SERPINI1: variants seen among roughly 807,000 people sequenced by gnomAD.
The protein encoded by SERPINI1 is neuroserpin.
In SERPINI1, 19 loss-of-function variants were observed where a neutral mutation model predicts 41.1. The ratio of observed to expected loss-of-function variants is 0.46; its 90% confidence interval spans 0.32 to 0.68. SERPINI1 has a LOEUF of 0.68. SERPINI1 is among the 30% of genes least tolerant of loss of function. SERPINI1 has a pLI of 0.03. For missense variants in SERPINI1, 460 were observed against 479.2 expected (o/e 0.96, Z 0.37); for synonymous variants, 138 against 156.6 (o/e 0.88, Z 0.89).
intron 1 of SERPINI1, among the ~76,000 whole-genome samples, chr3:167,762,191 A>G (rs906506531): frequency 3.3e-5 from 5 of 152,054 alleles, no homozygotes; most frequent in African/African-American, 1.2e-4. Flanking sequence ...TCCTGTTTCT[A>G]TAGATACGTT....
chr3:167,774,335 C>A (rs772748764), intron 1 of SERPINI1, among the ~76,000 whole-genome samples: 2 of 152,066 alleles, frequency 1.3e-5, no homozygotes, highest in Non-Finnish European at 2.9e-5. Flanking sequence ...ATCCCATTAG[C>A]CTAATTCATC....
At chr3:167,798,189 C>G (rs1368675412) in intron 5 of SERPINI1, among the ~76,000 whole-genome samples, 1 of 152,030 alleles carries the variant, frequency 6.6e-6, no homozygotes, top group African/African-American at 2.4e-5. Context: ...AATGTGGCAG[C>G]AGAAGAAAAT....
At chr3:167,805,368 C>T (rs2108566248) in intron 5 of SERPINI1, among the ~76,000 whole-genome samples, 1 of 152,192 alleles carries the variant, frequency 6.6e-6, no homozygotes, top group Non-Finnish European at 1.5e-5. Flanking sequence ...CTGTTCATAT[C>T]CTTTGCCCAC....
chr3:167,817,191 A>G (rs1712126421), intron 6 of SERPINI1, among the ~76,000 whole-genome samples: 1 of 152,184 alleles, frequency 6.6e-6, no homozygotes, highest in African/African-American at 2.4e-5. Flanking sequence ...GACACACTGT[A>G]ACATCCATTG....
chr3:167,806,169 G>T (rs1459802729), intron 5 of SERPINI1, among the ~76,000 whole-genome samples: 1 of 152,106 alleles, frequency 6.6e-6, no homozygotes, highest in Non-Finnish European at 1.5e-5. Context: ...CATTTCCTTT[G>T]CAGGGACATG....
chr3:167,795,144 A>G (rs147464890), intron 5 of SERPINI1, among the ~76,000 whole-genome samples: 70 of 152,222 alleles, frequency 4.6e-4, no homozygotes, highest in African/African-American at 1.5e-3. Context: ...TAGAAAATTT[A>G]TCTATCTGTT....
chr3:167,793,617 A>G (rs1372979992), intron 4 of SERPINI1, among the ~76,000 whole-genome samples: 2 of 139,116 alleles, frequency 1.4e-5, no homozygotes, highest in African/African-American at 2.9e-5. Context: ...GCTAGGCATA[A>G]TGGTACATAC....
chr3:167,819,359 G>A lies in SERPINI1; in HGVS notation c.980-3627G>A, dbSNP rs59186743. On this transcript the variant is annotated intron_variant, in intron 6 of 8. Transcript: ENST00000446050. ...CTGATTTTACCAACTAAATATATTC[G>A]GTTACTTAACACAATTTAAATTTTT... Among the ~76,000 whole-genome samples, 1,277 of 148,286 alleles carry A rather than the reference G, an allele frequency of 8.6e-3. 11 individuals are homozygous for A. Among genetic ancestry groups the A allele is most frequent in the African/African-American group, 0.031 (1,202 of 38,656 alleles).
chr3:167,792,793 T>G lies in SERPINI1; in HGVS notation c.676+9T>G. The G allele has an allele frequency of 1.2e-6, 2 of 1,609,130 alleles. No individual in the cohort carries two copies. Among genetic ancestry groups the G allele is most frequent in the Non-Finnish European group, 1.7e-6 (2 of 1,175,880 alleles). ...AGGAGAATTTTATTATGGTAAGACA[T>G]TTTTTGCTTTTATTTCTCTCTTCTT... On this transcript the variant is annotated intron_variant, in intron 4 of 8. Transcript: ENST00000446050.
intron 6 of SERPINI1, among the ~76,000 whole-genome samples, chr3:167,817,996 T>C (rs1200794106): frequency 6.6e-6 from 1 of 150,936 alleles, no homozygotes; most frequent in African/African-American, 2.5e-5. Context: ...AATACTTTTT[T>C]AGGATAGATG....
intron 6 of SERPINI1, among the ~76,000 whole-genome samples, chr3:167,809,454 T>A (rs1322308228): frequency 6.6e-6 from 1 of 152,182 alleles, no homozygotes; most frequent in Non-Finnish European, 1.5e-5. Flanking sequence ...AGCACTGCAG[T>A]GGGAAATCAA....
At chr3:167,800,993 T>C (rs1214270436) in intron 5 of SERPINI1, among the ~76,000 whole-genome samples, 1 of 152,160 alleles carries the variant, frequency 6.6e-6, no homozygotes, top group African/African-American at 2.4e-5. Flanking sequence ...AATTTTTGTG[T>C]TTTTAGTAGA....
intron 1 of SERPINI1, among the ~76,000 whole-genome samples, chr3:167,745,320 TATCTC>T (rs1260393532): frequency 6.6e-6 from 1 of 151,956 alleles, no homozygotes; most frequent in African/African-American, 2.4e-5. Context: ...GACACATAAT[TATCTC>T]AATTGAAGAA....
rs752880329 is a variant in SERPINI1 at position 167,823,101 on chromosome 3, T to C, written c.1066+29T>C. 7.0e-6 allele frequency: 10 copies of C among 1,431,774 alleles called. No homozygotes were observed. In the South Asian group the frequency reaches 9.2e-5, roughly 13 times the overall value. 88.7% of individuals were successfully genotyped at this position (1,431,774 alleles called of 1,614,324 possible). A position where few individuals can be genotyped will look rare whatever the true frequency, so the allele number is the denominator to read the frequency against. The stretch of plus-strand genomic sequence containing the variant: ...CTGTTTGCTAGAATCTTCTCCCCTC[T>C]TCTAGATTTGTATTTTTAGAGCAAT... On this transcript the variant is annotated intron_variant, in intron 7 of 8. Coordinates refer to ENST00000446050, the MANE Select transcript of SERPINI1 (RefSeq NM_001122752.2).
chr3:167,762,724 C>T (rs1042610318), intron 1 of SERPINI1, among the ~76,000 whole-genome samples: 7 of 152,060 alleles, frequency 4.6e-5, no homozygotes, highest in Admixed American at 1.3e-4. Flanking sequence ...TTTAAAATTG[C>T]GATACTCCCT....
intron 1 of SERPINI1, among the ~76,000 whole-genome samples, chr3:167,772,835 T>A (rs1312189212): frequency 0.095 from 1,968 of 20,822 alleles, 38 homozygotes; most frequent in African/African-American, 0.12. Flanking sequence ...TCTCTCTCTC[T>A]CTCTCTCTCT....
rs147813006 is a variant in SERPINI1 at position 167,770,693 on chromosome 3, C to G, written c.-18-18418C>G. On this transcript the variant is annotated intron_variant, in intron 1 of 8. Coordinates refer to ENST00000446050, the MANE Select transcript of SERPINI1 (RefSeq NM_001122752.2). Reference sequence around the variant, plus strand: ...GGTATCAATTTCCACTTATTCTAGTCTTTTTCCACAATTGTCTCAATTACT... The same window carrying G: ...GGTATCAATTTCCACTTATTCTAGTGTTTTTCCACAATTGTCTCAATTACT... Among the ~76,000 whole-genome samples, 8 of 152,192 alleles carry G rather than the reference C, an allele frequency of 5.3e-5. No individual in the cohort carries two copies. The East Asian group carries it at 1.2e-3, about 22-fold the overall frequency.
At chr3:167,791,401 G>A (rs1727504402) in intron 3 of SERPINI1, among the ~76,000 whole-genome samples, 1 of 152,128 alleles carries the variant, frequency 6.6e-6, no homozygotes, top group Admixed American at 6.6e-5. Context: ...TCTCCAAGAT[G>A]TAGGCATCTT....
intron 6 of SERPINI1, among the ~76,000 whole-genome samples, chr3:167,820,686 G>A (rs1712290820): frequency 6.6e-6 from 1 of 152,194 alleles, no homozygotes; most frequent in Non-Finnish European, 1.5e-5. Flanking sequence ...GCGCCGCTCA[G>A]CACGGACAGC....
Sources: allele counts gnomAD v4.1 joint callset (sites outside exome capture counted in the v4.1 genomes callset), GRCh38; gene constraint gnomAD v4.1.1; transcripts MANE v1.5; gene names NCBI Gene and HGNC (gene_info 2026-07-23, HGNC 2026-07-21).